TRIM62: variants seen among roughly 807,000 people sequenced by gnomAD.
TRIM62 encodes the protein tripartite motif containing 62.
Under a neutral mutation model 44.2 loss-of-function variants are expected in TRIM62, and 39 were observed. That is an observed-to-expected ratio of 0.88 (90% CI 0.68 to 1.15). The LOEUF (loss-of-function observed/expected upper bound fraction) is 1.15. Among genes scored for constraint, TRIM62 ranks in the 50% most tolerant of loss-of-function variants. The pLI is 0.00. For synonymous variants in TRIM62, 278 were observed against 292.3 expected, an observed-to-expected ratio of 0.95 and a Z score of 0.50; for missense variants, 544 against 665.5, an observed-to-expected ratio of 0.82 and a Z score of 2.01.
chr1:33,176,284 T>C, intron 1 of TRIM62: 1 of 513,646 alleles, frequency 1.9e-6, no homozygotes. Flanking sequence ...ATTTCTCAGA[T>C]TGGGTAAGAG....
At chr1:33,178,240 GC>G (rs1645436569) in intron 1 of TRIM62, among the ~76,000 whole-genome samples, 1 of 152,196 alleles carries the variant, frequency 6.6e-6, no homozygotes, top group South Asian at 2.1e-4. Context: ...CTGCAGAAGG[GC>G]CCCAGCTCCA....
intron 4 of TRIM62, among the ~76,000 whole-genome samples, chr1:33,157,804 T>C (rs1381725361): frequency 2.0e-5 from 3 of 152,052 alleles, no homozygotes; most frequent in African/African-American, 7.2e-5. Context: ...TTGCCCAGGC[T>C]GGAGTGCAGT....
intron 2 of TRIM62, among the ~76,000 whole-genome samples, chr1:33,160,555 C>A (rs1043460468): frequency 2.0e-5 from 3 of 152,000 alleles, no homozygotes; most frequent in Non-Finnish European, 2.9e-5. Flanking sequence ...CAGGAGCCCG[C>A]CACTATGCCC....
In TRIM62 at chr1:33,146,984, A is replaced by C; in HGVS notation, c.*193T>G. The stretch of plus-strand genomic sequence containing the variant: ...TCCCTATCAAGGTCAGAGCTACAGA[A>C]CATCGATGCTGGAAGAGAGTTTAGG... On this transcript the variant is annotated 3_prime_UTR_variant, in exon 5 of 5. Transcript: ENST00000291416. 1.6e-6 allele frequency: 1 copy of C among 617,654 alleles called. No homozygotes were observed. Among genetic ancestry groups the C allele is most frequent in the Non-Finnish European group, 2.8e-6 (1 of 353,480 alleles). The allele number at this position is 617,654 out of a possible 1,614,324, so 38.3% of individuals were successfully genotyped here.
In TRIM62 at chr1:33,167,706, T is replaced by C. The variant is rs1645341355; in HGVS notation, c.409-2140A>G. On this transcript the variant is annotated intron_variant, in intron 1 of 4. Transcript: ENST00000291416. This position sits in a 1 kb window ranked among gnomAD's most constrained non-coding sequence, Gnocchi z 4.2. ...AGGAAGGCTGACTTACCTGTTCACA[T>C]CCACCTCCCTCCCACTCATTCAGCT... is the stretch of plus-strand genomic sequence containing the variant. 6.6e-6 allele frequency among the ~76,000 whole-genome samples: 1 copy of C among 152,204 alleles called. No individual in the cohort carries two copies. Among genetic ancestry groups the C allele is most frequent in the Admixed American group, 6.5e-5 (1 of 15,274 alleles).
chr1:33,159,911 C>G lies in TRIM62; in HGVS notation c.538G>C (p.Glu180Gln), dbSNP rs1191921675. 6.2e-7 allele frequency: 1 copy of G among 1,608,108 alleles called. No homozygotes were observed. The highest frequency in any genetic ancestry group is 8.5e-7 in the Non-Finnish European group (1 of 1,179,934). Residue 180 changes from glutamate to glutamine, a missense_variant, in exon 3 of 5, where the codon GAG becomes CAG. Physicochemically the swap from Glu to Gln is conservative, Grantham distance 29 (BLOSUM62 2). Transcript: ENST00000291416. This position sits in a 1 kb window ranked among gnomAD's most constrained non-coding sequence, Gnocchi z 4.2. ...STKSLRTTIGEAFERLHRLLR... is the reference protein window; with the variant it reads ...STKSLRTTIGQAFERLHRLLR... The stretch of plus-strand genomic sequence containing the variant: ...AGCCGGTGCAGCCGCTCGAAGGCCT[C>G]GCCGATAGTGGTCCGCAGGCTCTTG...
At position 33,159,944 on chromosome 1, in the gene TRIM62, A is replaced by C; in HGVS notation, c.505T>G (p.Ser169Ala). 1 of 1,600,864 alleles carries C rather than the reference A, an allele frequency of 6.2e-7. No individual in the cohort carries two copies. The highest frequency in any genetic ancestry group is 8.5e-7 in the Non-Finnish European group (1 of 1,178,270). Residue 169 changes from serine to alanine, a missense_variant and splice_region_variant, in exon 3 of 5, where the codon TCT becomes GCT. Transcript: ENST00000291416. This position sits in a 1 kb window ranked among gnomAD's most constrained non-coding sequence, Gnocchi z 4.2. ...LLKRQLAETK[S>A]STKSLRTTIG... is the part of the protein sequence containing the mutation. ...GTGGTCCGCAGGCTCTTGGTGGAAG[A>C]CTGTGGGGGACAGTCGTCAGGGGTT...
Position 33,165,171 on chromosome 1 carries a change from G to C in TRIM62, c.504+300C>G, listed in dbSNP as rs1645315257. 1 of 266,336 alleles carries C rather than the reference G, an allele frequency of 3.8e-6. No individual in the cohort carries two copies. Among genetic ancestry groups the C allele is most frequent in the Non-Finnish European group, 7.2e-6 (1 of 139,222 alleles). 16.5% of individuals were successfully genotyped at this position (266,336 alleles called of 1,614,324 possible). On this transcript the variant is annotated intron_variant, in intron 2 of 4. Transcript: ENST00000291416. This position sits in a 1 kb window ranked among gnomAD's most constrained non-coding sequence, Gnocchi z 4.0. Reference sequence around the variant, plus strand: ...TTCAGGAGGCAGGGGGTTTCCGGAGGGTCCCGGGACCCGCCTCAACTTCCA... The same window carrying C: ...TTCAGGAGGCAGGGGGTTTCCGGAGCGTCCCGGGACCCGCCTCAACTTCCA...
Position 33,181,706 on chromosome 1 carries a change from G to C in TRIM62, c.-274C>G, listed in dbSNP as rs1645466077. 7.9e-6 allele frequency: 4 copies of C among 505,084 alleles called. No individual in the cohort carries two copies. The highest frequency in any genetic ancestry group is 1.4e-5 in the Non-Finnish European group (4 of 290,300). 31.3% of individuals were successfully genotyped at this position (505,084 alleles called of 1,614,324 possible). On this transcript the variant is annotated 5_prime_UTR_variant, in exon 1 of 5. Transcript: ENST00000291416. The surrounding 1 kb of genome is among the most constrained non-coding windows in gnomAD (Gnocchi z 6.5). ...TGGGCGCTGGGAGGAGGCTGTGAGCGGCTGAGGGACGGAGATCCTGACGGG... is the reference window on the plus strand; with the variant it reads ...TGGGCGCTGGGAGGAGGCTGTGAGCCGCTGAGGGACGGAGATCCTGACGGG...
At chr1:33,148,887 A>T (rs72884399) in intron 4 of TRIM62, among the ~76,000 whole-genome samples, 1,680 of 152,354 alleles carry the variant, frequency 0.011, 33 homozygotes, top group African/African-American at 0.039. Flanking sequence ...AACTTAGGTC[A>T]TCCTGCAAAT....
intron 1 of TRIM62, among the ~76,000 whole-genome samples, chr1:33,169,496 A>G (rs1027211042): frequency 3.3e-5 from 5 of 152,088 alleles, no homozygotes; most frequent in African/African-American, 9.7e-5. Context: ...AGCTGCAGTG[A>G]TTGTTCTAAA....
At chr1:33,162,399 C>T (rs1645280549) in intron 2 of TRIM62, among the ~76,000 whole-genome samples, 1 of 152,228 alleles carries the variant, frequency 6.6e-6, no homozygotes, top group South Asian at 2.1e-4. Context: ...TCCTCTCTTT[C>T]AGGCACTTGG....
At chr1:33,148,006 T>C (rs1645044443) in intron 4 of TRIM62, among the ~76,000 whole-genome samples, 1 of 152,196 alleles carries the variant, frequency 6.6e-6, no homozygotes, top group Admixed American at 6.5e-5. Flanking sequence ...TAGTGGGCAC[T>C]GGCAAATGTT....
chr1:33,158,419 C>CTGGCATTGGGGCAGG, intron 3 of TRIM62, 51 bp from the exon 4 acceptor site: 1 of 1,550,632 alleles, frequency 6.4e-7, no homozygotes, highest in Non-Finnish European at 8.9e-7. Context: ...ATTCCTGCCC[C>CTGGCATTGGGGCAGG]AATGCCAGGG....
chr1:33,147,126 C>A lies in TRIM62; in HGVS notation c.*51G>T, dbSNP rs560571517. ...CAGGTCTTCTATCTCCTGGGCAGGG[C>A]TCTTGCAGGTGGCAGTGGTCCCAGG... On this transcript the variant is annotated 3_prime_UTR_variant, in exon 5 of 5. Transcript: ENST00000291416. This position sits in a 1 kb window ranked among gnomAD's most constrained non-coding sequence, Gnocchi z 8.1. 6 of 1,581,808 alleles carry A rather than the reference C, an allele frequency of 3.8e-6. No homozygotes were observed. Among genetic ancestry groups the A allele is most frequent in the Admixed American group, 1.7e-5 (1 of 58,488 alleles).
chr1:33,176,587 A>G (rs896906804), intron 1 of TRIM62: 1 of 536,448 alleles, frequency 1.9e-6, no homozygotes. Context: ...GCTCTGACCA[A>G]GATGACGTCC....
At position 33,145,578 on chromosome 1, in the gene TRIM62, C is replaced by G. The variant is rs1645012330; in HGVS notation, c.*1599G>C. On this transcript the variant is annotated 3_prime_UTR_variant, in exon 5 of 5. Transcript: ENST00000291416. ...TGGCGGGGGCAGCCATTTTAAGAAC[C>G]CCCTGTGTTTAGCTCTTCCGGCTAC... is the stretch of plus-strand genomic sequence containing the variant. 1 of 179,234 alleles carries G rather than the reference C, an allele frequency of 5.6e-6. No homozygotes were observed. The highest frequency in any genetic ancestry group is 1.1e-4 in the South Asian group (1 of 9,286). 11.1% of individuals were successfully genotyped at this position (179,234 alleles called of 1,614,324 possible).
chr1:33,159,606 C>G lies in TRIM62; in HGVS notation c.761+82G>C. 4.0e-6 allele frequency: 6 copies of G among 1,494,940 alleles called. No homozygotes were observed. The highest frequency in any genetic ancestry group is 5.3e-6 in the Non-Finnish European group (6 of 1,121,748). The allele number at this position is 1,494,940 out of a possible 1,614,324, so 92.6% of individuals were successfully genotyped here. A position where few individuals can be genotyped will look rare whatever the true frequency, so the allele number is the denominator to read the frequency against. On this transcript the variant is annotated intron_variant, in intron 3 of 4. Transcript: ENST00000291416. The surrounding 1 kb of genome is among the most constrained non-coding windows in gnomAD (Gnocchi z 4.2). ...ATGAAAGAATTCTCTGCTAAGGATC[C>G]CATCTGCCTCCACTCCCACTGCCCA...
At chr1:33,166,868 A>G (rs1389265209) in intron 1 of TRIM62, among the ~76,000 whole-genome samples, 2 of 152,194 alleles carry the variant, frequency 1.3e-5, no homozygotes, top group African/African-American at 2.4e-5. Context: ...CTTGTTTGAA[A>G]TGTTGAATTT....
Sources: gnomAD v4.1 joint callset for allele counts (sites outside exome capture counted in the v4.1 genomes callset) on GRCh38, gnomAD v4.1.1 for gene constraint, Gnocchi (gnomAD v3.1) non-coding constraint, MANE v1.5 for transcripts, NCBI Gene and HGNC (gene_info 2026-07-23, HGNC 2026-07-21) for gene names.